The following CCDC192 variants were observed in gnomAD, a reference collection of about 807,000 sequenced individuals.
CCDC192 encodes coiled-coil domain containing 192.
chr5:127,844,771 T>A (rs1312967570), intron 5 of CCDC192, among the ~76,000 whole-genome samples: 1 of 152,210 alleles, frequency 6.6e-6, no homozygotes, highest in African/African-American at 2.4e-5. Flanking sequence ...TCTTTGCTCT[T>A]TTGTTGTTTC....
chr5:127,867,988 A>G (rs1206828459), intron 5 of CCDC192, among the ~76,000 whole-genome samples: 1 of 151,034 alleles, frequency 6.6e-6, no homozygotes, highest in Non-Finnish European at 1.5e-5. Context: ...GCTAGTAGAC[A>G]TTGATCCAGC....
At chr5:127,743,022 G>A (rs1187106455) in intron 2 of CCDC192, among the ~76,000 whole-genome samples, 3 of 151,960 alleles carry the variant, frequency 2.0e-5, no homozygotes, top group Non-Finnish European at 2.9e-5. Context: ...TTCAGGGAAC[G>A]CTGATCTCGC....
chr5:127,702,237 C>T (rs1439397301), upstream of CCDC192, among the ~76,000 whole-genome samples: 3 of 152,154 alleles, frequency 2.0e-5, no homozygotes, highest in South Asian at 2.1e-4. Flanking sequence ...GGACTACAGG[C>T]GCCCACCACC....
intron 6 of CCDC192, among the ~76,000 whole-genome samples, chr5:127,889,186 A>G (rs1043524341): frequency 6.6e-6 from 1 of 152,180 alleles, no homozygotes; most frequent in Admixed American, 6.5e-5. Flanking sequence ...CATGCTGCTG[A>G]ACGCTTTTAC....
chr5:127,915,383 CT>C (rs1336366944), intron 6 of CCDC192, among the ~76,000 whole-genome samples: 1 of 152,092 alleles, frequency 6.6e-6, no homozygotes, highest in African/African-American at 2.4e-5. Flanking sequence ...ACTTCATAAA[CT>C]TTCTTTTTTT....
intron 5 of CCDC192, among the ~76,000 whole-genome samples, chr5:127,855,058 G>T (rs572613872): frequency 6.6e-6 from 1 of 152,110 alleles, no homozygotes; most frequent in African/African-American, 2.4e-5. Flanking sequence ...CTTTTTGCTG[G>T]TGGAGGGCCT....
At chr5:127,786,413 C>T (rs1452632230) in intron 3 of CCDC192, 1 of 622,478 alleles carries the variant, frequency 1.6e-6, no homozygotes, top group Admixed American at 2.5e-5. Context: ...CATCATCTTC[C>T]TTCAGCTCCA....
intron 5 of CCDC192, among the ~76,000 whole-genome samples, chr5:127,821,300 G>C (rs559295482): frequency 2.0e-4 from 31 of 152,340 alleles, no homozygotes; most frequent in African/African-American, 6.7e-4. Context: ...GCTGGCTTCA[G>C]GCTGCCACTG....
At chr5:127,788,214 A>G (rs965401336) in intron 3 of CCDC192, among the ~76,000 whole-genome samples, 3 of 151,860 alleles carry the variant, frequency 2.0e-5, no homozygotes, top group African/African-American at 7.3e-5. Context: ...TGGTGCATTT[A>G]TGCGTATAGT....
chr5:127,815,456 T>C (rs1208295281), intron 5 of CCDC192, among the ~76,000 whole-genome samples: 1 of 151,972 alleles, frequency 6.6e-6, no homozygotes, highest in Non-Finnish European at 1.5e-5. Flanking sequence ...GAAAATCAGG[T>C]TTTACATGAT....
At chr5:127,796,446 AAGG>A (rs1267655760) in intron 3 of CCDC192, among the ~76,000 whole-genome samples, 1 of 152,178 alleles carries the variant, frequency 6.6e-6, no homozygotes, top group East Asian at 1.9e-4. Context: ...GTCAGAATGA[AAGG>A]AGAAGCTAGT....
chr5:127,782,276 C>T (rs4380708), intron 3 of CCDC192, among the ~76,000 whole-genome samples: 118,248 of 151,970 alleles, frequency 0.78, 46,122 homozygotes, highest in East Asian at 0.9. Flanking sequence ...TCTGTAGTTT[C>T]CTTTTTTGGA....
At chr5:127,767,484 G>A (rs1755295354) in intron 3 of CCDC192, among the ~76,000 whole-genome samples, 1 of 152,192 alleles carries the variant, frequency 6.6e-6, no homozygotes, top group South Asian at 2.1e-4. Flanking sequence ...CTATTTCTGT[G>A]TAATTACTTT....
Position 127,798,558 on chromosome 5 carries a change from C to T in CCDC192, c.411+396C>T, listed in dbSNP as rs115633249. ...AAACTTTACTGTATGTAAGAATCAC[C>T]TGATAGCTTCTTAAAACAAATTACT... On this transcript the variant is annotated intron_variant, in intron 5 of 6. Transcript: ENST00000514853. Among the ~76,000 whole-genome samples the T allele has an allele frequency of 4.5e-3, 681 of 152,192 alleles. 3 individuals carry two copies. Among genetic ancestry groups the T allele is most frequent in the Non-Finnish European group, 7.5e-3 (511 of 68,012 alleles).
intron 6 of CCDC192, among the ~76,000 whole-genome samples, chr5:127,916,435 T>G (rs1753523092): frequency 6.6e-6 from 1 of 152,240 alleles, no homozygotes; most frequent in Admixed American, 6.5e-5. Context: ...AATGGTGAAT[T>G]ATTTCCAGAA....
At chr5:127,734,791 A>C (rs1042085989) in intron 2 of CCDC192, among the ~76,000 whole-genome samples, 3 of 150,836 alleles carry the variant, frequency 2.0e-5, no homozygotes, top group Admixed American at 1.3e-4. Flanking sequence ...TTTTTCTTGT[A>C]AATTTGTTTG....
chr5:127,895,124 G>T (rs971685799), intron 6 of CCDC192, among the ~76,000 whole-genome samples: 1 of 152,154 alleles, frequency 6.6e-6, no homozygotes, highest in Admixed American at 6.6e-5. Context: ...GCATCCATTA[G>T]CTATTCTTCC....
chr5:127,792,639 G>C (rs1289609213), intron 3 of CCDC192, among the ~76,000 whole-genome samples: 4 of 151,752 alleles, frequency 2.6e-5, no homozygotes, highest in South Asian at 2.1e-4. Flanking sequence ...CCAGTAGATA[G>C]AGGTTGCAAG....
intron 6 of CCDC192, among the ~76,000 whole-genome samples, chr5:127,904,965 C>G (rs1036685462): frequency 6.6e-6 from 1 of 152,006 alleles, no homozygotes; most frequent in East Asian, 1.9e-4. Flanking sequence ...TCTGTGCAAC[C>G]GTTTGGCTTG....
Sources: allele counts gnomAD v4.1 joint callset (sites outside exome capture counted in the v4.1 genomes callset), GRCh38; gene constraint gnomAD v4.1.1; transcripts MANE v1.5; gene names NCBI Gene and HGNC (gene_info 2026-07-23, HGNC 2026-07-21).